RAP1GAP: variants seen among roughly 807,000 people sequenced by gnomAD.
The protein encoded by RAP1GAP is rap1 GTPase-activating protein 1.
A neutral mutation model predicts 87.2 loss-of-function variants in RAP1GAP; 35 were observed. The observed-to-expected ratio is 0.40, with a 90% confidence interval of 0.31 to 0.53. The LOEUF (loss-of-function observed/expected upper bound fraction) is 0.53, where lower values mean the gene tolerates loss of function less well. Among genes scored for constraint, RAP1GAP ranks in the 20% least tolerant of loss-of-function variants. RAP1GAP has a pLI of 0.48. For missense variants in RAP1GAP, 734 were observed against 898.9 expected (o/e 0.82, Z 2.35); for synonymous variants, 375 against 363.9 (o/e 1.03, Z -0.35).
chr1:21,600,186 AG>A (rs2066996618), intron 20 of RAP1GAP, among the ~76,000 whole-genome samples: 1 of 152,126 alleles, frequency 6.6e-6, no homozygotes, highest in South Asian at 2.1e-4. Flanking sequence ...TCCTGCCTGG[AG>A]TCTCAGTCCT....
At chr1:21,664,445 C>G (rs1051264313) in intron 1 of RAP1GAP, among the ~76,000 whole-genome samples, 1 of 152,152 alleles carries the variant, frequency 6.6e-6, no homozygotes, top group Admixed American at 6.6e-5. Flanking sequence ...AGACTGACCC[C>G]GATTTGTCCC....
intron 20 of RAP1GAP, among the ~76,000 whole-genome samples, chr1:21,601,180 G>A (rs529246951): frequency 6.6e-6 from 1 of 152,074 alleles, no homozygotes; most frequent in South Asian, 2.1e-4. Context: ...CCAGGCATAC[G>A]TCACCACTCC....
intron 17 of RAP1GAP, 44 bp downstream of exon 17, chr1:21,608,169 G>A: frequency 6.2e-7 from 1 of 1,605,758 alleles, no homozygotes; most frequent in Non-Finnish European, 8.5e-7. Flanking sequence ...TTCCGCCCTA[G>A]CCACGTCCCT....
intron 18 of RAP1GAP, among the ~76,000 whole-genome samples, chr1:21,604,686 C>G (rs966382615): frequency 1.3e-5 from 2 of 152,064 alleles, no homozygotes; most frequent in African/African-American, 4.8e-5. Context: ...GACTGCTGGA[C>G]AGCAGAGGTC....
Position 21,608,318 on chromosome 1 carries a change from G to A in RAP1GAP, c.1191C>T (p.Leu397=). 6.2e-7 allele frequency: 1 copy of A among 1,613,854 alleles called. No homozygotes were observed. Among genetic ancestry groups the A allele is most frequent in the Non-Finnish European group, 8.5e-7 (1 of 1,179,908 alleles). ...GGCTGTGGATGTGTAGTTCCTCATA[G>A]AGCGTCTCCAGGAGGGCGGCCCGCG... ...ERTRAALLET[L]YEELHIHSQS... is the part of the protein sequence containing the mutation. Residue 397 remains leucine (L), a synonymous_variant, in exon 17 of 25, where the codon CTC becomes CTT. Transcript: ENST00000374765.
Position 21,609,616 on chromosome 1 carries a change from A to G in RAP1GAP, c.1030T>C (p.Phe344Leu). Residue 344 changes from phenylalanine to leucine, a missense_variant, in exon 15 of 25, where the codon TTC (phenylalanine) becomes CTC (leucine). Transcript: ENST00000374765. This position sits in a 1 kb window ranked among gnomAD's most constrained non-coding sequence, Gnocchi z 4.4. ...VSVTARDDVP[F>L]FGPPLPDPAV... ...GGGTCCGGGAGGGGGGGTCCAAAGA[A>G]GGGCACATCATCTCTTGCAGTGACA... 6.3e-7 allele frequency: 1 copy of G among 1,581,048 alleles called. No individual in the cohort carries two copies. Among genetic ancestry groups the G allele is most frequent in the Non-Finnish European group, 8.6e-7 (1 of 1,163,928 alleles).
chr1:21,651,944 C>CCCAGCGGGCCGCGGT (rs1553492904), intron 1 of RAP1GAP: 2 of 847,660 alleles, frequency 2.4e-6, no homozygotes, highest in Non-Finnish European at 2.8e-6. Context: ...ACGTCCGCGC[C>CCCAGCGGGCCGCGGT]CCAGCGGGCC....
intron 2 of RAP1GAP, among the ~76,000 whole-genome samples, chr1:21,641,836 C>A (rs530545651): frequency 6.6e-6 from 1 of 152,196 alleles, no homozygotes; most frequent in African/African-American, 2.4e-5. Context: ...TCACAGCCAA[C>A]CTTCCCATTT....
At chr1:21,633,709 T>G (rs955291764) in intron 2 of RAP1GAP, among the ~76,000 whole-genome samples, 13 of 152,152 alleles carry the variant, frequency 8.5e-5, no homozygotes, top group East Asian at 1.9e-4. Context: ...AAGAATTTTT[T>G]GGGGGCAGCA....
At chr1:21,598,584 C>T (rs61775975) in intron 21 of RAP1GAP, 82 bp from the exon 22 acceptor site, 81,403 of 1,121,732 alleles carry the variant, frequency 0.073, 3,377 homozygotes, top group African/African-American at 0.15. Flanking sequence ...CCCTCTCCCT[C>T]ACTGCATTCC....
intron 5 of RAP1GAP, 41 bp downstream of exon 5, chr1:21,618,984 C>G (rs2149757932): frequency 6.4e-7 from 1 of 1,562,648 alleles, no homozygotes; most frequent in East Asian, 2.3e-5. Context: ...CGGACCCCCT[C>G]CACCCCCTAG....
In RAP1GAP at chr1:21,598,476, G is replaced by A. The variant is rs372112375; in HGVS notation, c.1803C>T (p.Pro601=). Reference sequence around the variant, plus strand: ...TATAGATGAAGGAGTCCCGCTTGTGGGGTGTTCCTGAGGATGACACGCTCT... The same window carrying A: ...TATAGATGAAGGAGTCCCGCTTGTGAGGTGTTCCTGAGGATGACACGCTCT... ...GLESVSSSGT[P]HKRDSFIYST... is the part of the protein sequence containing the mutation. The change falls in exon 22 of 25, where the codon CCC becomes CCT. Residue 601 remains proline, a synonymous_variant. Transcript: ENST00000374765. 14 of 1,613,776 alleles carry A rather than the reference G, an allele frequency of 8.7e-6. No homozygotes were observed. Among genetic ancestry groups the A allele is most frequent in the Non-Finnish European group, 9.3e-6 (11 of 1,179,852 alleles).
Position 21,612,094 on chromosome 1 carries a change from C to A in RAP1GAP, c.544G>T (p.Val182Phe). The change falls in exon 11 of 25, where the codon GTC (valine) becomes TTC (phenylalanine). Residue 182 changes from valine to phenylalanine, a missense_variant. Transcript: ENST00000374765. The part of the protein sequence containing the change: ...VLYPKASRLI[V>F]TFDEHVISNN... Reference sequence around the variant, plus strand: ...CTGATGACATGCTCGTCAAAGGTGACGATGAGCCGGGAAGCCTGCAGGAGA... The same window carrying A: ...CTGATGACATGCTCGTCAAAGGTGAAGATGAGCCGGGAAGCCTGCAGGAGA... 6 of 1,552,638 alleles carry A rather than the reference C, an allele frequency of 3.9e-6. No individual in the cohort carries two copies. Among genetic ancestry groups the A allele is most frequent in the Non-Finnish European group, 5.2e-6 (6 of 1,147,280 alleles).
At chr1:21,639,565 G>A (rs531426675) in intron 2 of RAP1GAP, among the ~76,000 whole-genome samples, 1 of 152,340 alleles carries the variant, frequency 6.6e-6, no homozygotes, top group South Asian at 2.1e-4. Context: ...ATTTCTCCCT[G>A]CAGGGCTGCT....
intron 14 of RAP1GAP, 67 bp downstream of exon 14, chr1:21,610,053 C>G: frequency 2.6e-6 from 4 of 1,561,280 alleles, no homozygotes; most frequent in Non-Finnish European, 3.5e-6. Flanking sequence ...AGAGGGGCAT[C>G]CCAGGGAGGG....
At chr1:21,647,848 G>A (rs190068415) in intron 2 of RAP1GAP, among the ~76,000 whole-genome samples, 2 of 150,944 alleles carry the variant, frequency 1.3e-5, no homozygotes, top group Admixed American at 1.3e-4. Flanking sequence ...GGCTGGAGGT[G>A]TGGCGAGGGC....
rs2071496186 is a variant in RAP1GAP at position 21,603,892 on chromosome 1, T to C, written c.1429-979A>G. The C allele has an allele frequency of 1.3e-6, 2 of 1,557,558 alleles. No homozygotes were observed. The highest frequency in any genetic ancestry group is 2.4e-5 in the South Asian group (2 of 84,744). On this transcript the variant is annotated intron_variant, in intron 18 of 24. Transcript: ENST00000374765. This position sits in a 1 kb window ranked among gnomAD's most constrained non-coding sequence, Gnocchi z 6.0. ...CCCGGCGTCCGAATCTACTCGCACT[T>C]TTCCCAGGAATAAGCAATGACTGGC... is the stretch of plus-strand genomic sequence containing the variant.
rs551695853 is a variant in RAP1GAP, at chr1:21,602,135, G to A, written c.1539-338C>T. Among the ~76,000 whole-genome samples, 37 of 152,336 alleles carry A rather than the reference G, an allele frequency of 2.4e-4. No individual in the cohort carries two copies. The South Asian group carries it at 6.2e-3, about 26-fold the overall frequency. On this transcript the variant is annotated intron_variant, in intron 19 of 24. Transcript: ENST00000374765. ...CCTGAACCCAGGACTCACAGCATGC[G>A]GAGCTCTGGCAGCAGCAAGGACAAT...
chr1:21,599,691 C>T, intron 20 of RAP1GAP, 74 bp from the exon 21 acceptor site: 1 of 1,540,152 alleles, frequency 6.5e-7, no homozygotes, highest in African/African-American at 1.4e-5. Flanking sequence ...CTCCCTTGCC[C>T]TCCCCAACCC....
Sources: allele counts gnomAD v4.1 joint callset (sites outside exome capture counted in the v4.1 genomes callset), GRCh38; gene constraint gnomAD v4.1.1; non-coding constraint Gnocchi (gnomAD v3.1); transcripts MANE v1.5; gene names NCBI Gene and HGNC (gene_info 2026-07-23, HGNC 2026-07-21).